COL24A1: variants seen among roughly 807,000 people sequenced by gnomAD.
COL24A1 encodes the protein collagen type XXIV alpha 1 chain, also known as collagen alpha-1(XXIV) chain.
Under a neutral mutation model 253.9 loss-of-function variants are expected in COL24A1, and 224 were observed. The ratio of observed to expected loss-of-function variants is 0.88; its 90% CI spans 0.79 to 0.99. The LOEUF (loss-of-function observed/expected upper bound fraction) is 0.99, where lower values mean the gene tolerates loss of function less well. Ranked by LOEUF, COL24A1 falls within the 50% of genes least tolerant of loss-of-function variation. The pLI is 0.00. For missense variants in COL24A1, 2,131 were observed against 2,068.5 expected (o/e 1.03, Z -0.59); for synonymous variants, 685 against 673.7 (o/e 1.02, Z -0.26).
chr1:85,815,303 G>T (rs1174491066), intron 47 of COL24A1, among the ~76,000 whole-genome samples: 1 of 152,200 alleles, frequency 6.6e-6, no homozygotes, highest in African/African-American at 2.4e-5. Flanking sequence ...TGAGTCCGGA[G>T]ATTAGCATGA....
chr1:86,110,601 G>C (rs1277957933), intron 5 of COL24A1, among the ~76,000 whole-genome samples: 2 of 152,076 alleles, frequency 1.3e-5, no homozygotes, highest in East Asian at 2.0e-4. Context: ...CGGCGCTCGC[G>C]AGCGAGCGCG....
At chr1:85,948,215 A>C (rs1426033348) in intron 24 of COL24A1, among the ~76,000 whole-genome samples, 1 of 152,158 alleles carries the variant, frequency 6.6e-6, no homozygotes, top group African/African-American at 2.4e-5. Context: ...ATTTACCATG[A>C]ACTTTTTGGT....
intron 53 of COL24A1, among the ~76,000 whole-genome samples, chr1:85,774,370 T>A (rs1668306943): frequency 6.6e-6 from 1 of 152,212 alleles, no homozygotes; most frequent in African/African-American, 2.4e-5. Flanking sequence ...AGTATCAGGA[T>A]GATGCTGGCC....
intron 28 of COL24A1, among the ~76,000 whole-genome samples, chr1:85,905,234 A>G (rs1313669064): frequency 6.6e-6 from 1 of 152,158 alleles, no homozygotes. Context: ...AGCCAGACAC[A>G]GGAATCTGCA....
intron 40 of COL24A1, 32 bp downstream of exon 40, chr1:85,842,308 G>A: frequency 1.4e-6 from 2 of 1,479,230 alleles, no homozygotes; most frequent in South Asian, 2.4e-5. Flanking sequence ...ATGTTTTCAT[G>A]TGAATATATT....
At chr1:85,969,470 T>A (rs1045745383) in intron 22 of COL24A1, among the ~76,000 whole-genome samples, 7 of 151,664 alleles carry the variant, frequency 4.6e-5, no homozygotes, top group Admixed American at 2.0e-4. Flanking sequence ...CAGGGCATGG[T>A]GGCACATGCC....
At chr1:86,147,566 A>T (rs1652067245) in intron 1 of COL24A1, among the ~76,000 whole-genome samples, 1 of 152,226 alleles carries the variant, frequency 6.6e-6, no homozygotes, top group South Asian at 2.1e-4. Flanking sequence ...ATTCATGTAG[A>T]TGGATGGTTC....
chr1:86,092,386 A>T, intron 5 of COL24A1, 66 bp from the exon 6 acceptor site: 3 of 1,156,902 alleles, frequency 2.6e-6, no homozygotes, highest in Non-Finnish European at 3.8e-6. Context: ...ATATATCTTC[A>T]GGTATTTATT....
Position 85,842,082 on chromosome 1 carries a change from G to A in COL24A1, c.3556C>T (p.Pro1186Ser). 3 of 1,613,436 alleles carry A rather than the reference G, an allele frequency of 1.9e-6. No homozygotes were observed. Among genetic ancestry groups the A allele is most frequent in the Middle Eastern group, 1.7e-4 (1 of 6,060 alleles). Reference protein sequence around the residue: ...GQPGPSGLPGPKGEKGYPGED... With the variant: ...GQPGPSGLPGSKGEKGYPGED... Reference sequence around the variant, plus strand: ...TATACACAAACCTTTTCTCCTTTAGGTCCTGGCAATCCAGAGGGTCCTGGT... The same window carrying A: ...TATACACAAACCTTTTCTCCTTTAGATCCTGGCAATCCAGAGGGTCCTGGT... The change falls in exon 41 of 60, where the codon CCT (proline) becomes TCT (serine). Residue 1186 changes from proline to serine, a missense_variant. Pro to Ser is a moderately conservative substitution (Grantham distance 74). Transcript: ENST00000370571.
intron 14 of COL24A1, among the ~76,000 whole-genome samples, chr1:86,028,713 C>T (rs1698275402): frequency 6.6e-6 from 1 of 152,176 alleles, no homozygotes; most frequent in East Asian, 1.9e-4. Context: ...TTCCCATGAA[C>T]TGAAAGGTGA....
At chr1:86,086,177 A>G (rs1037276591) in intron 7 of COL24A1, among the ~76,000 whole-genome samples, 3 of 152,212 alleles carry the variant, frequency 2.0e-5, no homozygotes, top group African/African-American at 7.2e-5. Context: ...CCAAAACTAT[A>G]TTTGTTTCCT....
At chr1:85,972,364 T>C (rs1692252844) in intron 20 of COL24A1, among the ~76,000 whole-genome samples, 1 of 151,618 alleles carries the variant, frequency 6.6e-6, no homozygotes, top group African/African-American at 2.4e-5. Context: ...GCTCTATACT[T>C]TCTATACTTT....
At chr1:85,920,038 T>C (rs962172587) in intron 24 of COL24A1, among the ~76,000 whole-genome samples, 3 of 152,170 alleles carry the variant, frequency 2.0e-5, no homozygotes, top group African/African-American at 7.2e-5. Flanking sequence ...GAAAATAAAA[T>C]TAAGCATATT....
At chr1:86,145,366 A>C (rs942896174) in intron 2 of COL24A1, among the ~76,000 whole-genome samples, 5 of 152,092 alleles carry the variant, frequency 3.3e-5, no homozygotes, top group Admixed American at 6.5e-5. Context: ...CAAACAAACA[A>C]ATCTGAGGCC....
At chr1:85,889,455 G>T in intron 32 of COL24A1, 105 bp downstream of exon 32, 2 of 932,636 alleles carry the variant, frequency 2.1e-6, no homozygotes, top group Non-Finnish European at 1.7e-6. Flanking sequence ...TATGATAAAT[G>T]CTGCTTTCTA....
chr1:85,986,534 T>C (rs1033412450), intron 20 of COL24A1, among the ~76,000 whole-genome samples: 41 of 151,820 alleles, frequency 2.7e-4, no homozygotes, highest in African/African-American at 9.2e-4. Flanking sequence ...GTATTAGAGC[T>C]CAGACTTTGA....
intron 7 of COL24A1, among the ~76,000 whole-genome samples, chr1:86,080,512 T>C (rs918719787): frequency 1.3e-5 from 2 of 152,130 alleles, no homozygotes; most frequent in African/African-American, 4.8e-5. Context: ...TCAGTATGCA[T>C]TGCAGCCTGT....
At chr1:85,999,577 C>A (rs773359089) in intron 19 of COL24A1, among the ~76,000 whole-genome samples, 1 of 151,884 alleles carries the variant, frequency 6.6e-6, no homozygotes, top group African/African-American at 2.4e-5. Flanking sequence ...GCCGTGATCA[C>A]GCCACTCTAG....
At chr1:85,868,976 G>A in intron 35 of COL24A1, 141 bp from the exon 36 acceptor site, 1 of 563,710 alleles carries the variant, frequency 1.8e-6, no homozygotes, top group Non-Finnish European at 3.1e-6. Flanking sequence ...AAGAGGATTT[G>A]ACAGTAAAAT....
Sources: gnomAD v4.1 joint callset for allele counts (sites outside exome capture counted in the v4.1 genomes callset) on GRCh38, gnomAD v4.1.1 for gene constraint, MANE v1.5 for transcripts, NCBI Gene and HGNC (gene_info 2026-07-23, HGNC 2026-07-21) for gene names.